DOCK10: variants seen among roughly 807,000 people sequenced by gnomAD.
DOCK10 encodes the protein dedicator of cytokinesis 10, also known as dedicator of cytokinesis protein 10.
DOCK10 carries 145 observed loss-of-function variants against 280.1 expected under a neutral mutation model. The observed-to-expected ratio is 0.52, with a 90% CI of 0.45 to 0.59. DOCK10 has a LOEUF of 0.59. Ranked by LOEUF, DOCK10 falls within the 20% of genes least tolerant of loss-of-function variation. DOCK10 has a pLI of 0.00. For missense variants in DOCK10, 2,368 were observed against 2,651.7 expected (o/e 0.89, Z 2.35); for synonymous variants, 915 against 942.2 (o/e 0.97, Z 0.53).
chr2:224,888,218 C>CGTGTGTGT (rs1157465599), intron 4 of DOCK10, among the ~76,000 whole-genome samples: 2 of 140,254 alleles, frequency 1.4e-5, no homozygotes, highest in Non-Finnish European at 3.1e-5. Flanking sequence ...TTAATATAGG[C>CGTGTGTGT]CTGTGTGTGT....
chr2:224,921,112 A>AAAAAAAAAAATAT, intron 2 of DOCK10, among the ~76,000 whole-genome samples: 10 of 54,414 alleles, frequency 1.8e-4, no homozygotes, highest in African/African-American at 9.4e-4. Flanking sequence ...AAAAAAAAAA[A>AAAAAAAAAAATAT]ATATATATAT....
intron 1 of DOCK10, among the ~76,000 whole-genome samples, chr2:224,985,425 T>A (rs1333919428): frequency 6.6e-6 from 1 of 151,648 alleles, no homozygotes; most frequent in African/African-American, 2.4e-5. Context: ...TCAGCACTTA[T>A]GAAATCTTAA....
At chr2:224,955,049 G>C (rs924667156) in intron 1 of DOCK10, among the ~76,000 whole-genome samples, 4 of 152,116 alleles carry the variant, frequency 2.6e-5, no homozygotes, top group African/African-American at 9.7e-5. Context: ...TGCTGGCTTG[G>C]AGCCTACTCC....
intron 1 of DOCK10, among the ~76,000 whole-genome samples, chr2:225,034,154 G>T (rs901252176): frequency 1.3e-5 from 2 of 152,132 alleles, no homozygotes; most frequent in Non-Finnish European, 2.9e-5. Context: ...CACTGCTTTC[G>T]CTGATGGATG....
At chr2:224,822,874 GTGCAGCTTCC>G (rs1428354569) in intron 28 of DOCK10, among the ~76,000 whole-genome samples, 1 of 151,980 alleles carries the variant, frequency 6.6e-6, no homozygotes, top group Non-Finnish European at 1.5e-5. Context: ...TATTACTGTA[GTGCAGCTTCC>G]TTTTTAAAAA....
At chr2:224,931,467 C>A (rs1028159514) in intron 2 of DOCK10, 82 bp downstream of exon 2, 2 of 1,465,592 alleles carry the variant, frequency 1.4e-6, no homozygotes, top group Admixed American at 2.3e-5. Flanking sequence ...GAGGCCTGGA[C>A]TCTCTGAATC....
At position 224,876,236 on chromosome 2, in the gene DOCK10, G is replaced by C. The variant is rs571912601; in HGVS notation, c.748-15C>G. The stretch of plus-strand genomic sequence containing the variant: ...AGTCTGTTATTCTGTGGTATAAAAA[G>C]AAAGAAAGAAAAAGAGAATACCAAA... On this transcript the variant is annotated splice_polypyrimidine_tract_variant and intron_variant, in intron 7 of 55. Transcript: ENST00000258390. 3 of 1,561,168 alleles carry C rather than the reference G, an allele frequency of 1.9e-6. No homozygotes were observed. Among genetic ancestry groups the C allele is most frequent in the East Asian group, 4.6e-5 (2 of 43,716 alleles).
intron 2 of DOCK10, among the ~76,000 whole-genome samples, chr2:224,927,354 C>T (rs1168831728): frequency 6.6e-6 from 1 of 152,116 alleles, no homozygotes; most frequent in Non-Finnish European, 1.5e-5. Context: ...AAGTTTTAAC[C>T]AGAGGCATGG....
intron 27 of DOCK10, among the ~76,000 whole-genome samples, chr2:224,826,595 T>G (rs1001934227): frequency 2.6e-5 from 4 of 152,066 alleles, no homozygotes; most frequent in Admixed American, 6.5e-5. Flanking sequence ...TGGTGTCAAA[T>G]GATAATATCA....
intron 1 of DOCK10, among the ~76,000 whole-genome samples, chr2:225,037,661 T>C (rs1003575505): frequency 6.6e-6 from 1 of 152,228 alleles, no homozygotes; most frequent in African/African-American, 2.4e-5. Flanking sequence ...GCTCTGAGAA[T>C]TAAATAGAAT....
At chr2:225,019,327 A>G (rs1458141388) in intron 1 of DOCK10, among the ~76,000 whole-genome samples, 1 of 152,064 alleles carries the variant, frequency 6.6e-6, no homozygotes, top group Non-Finnish European at 1.5e-5. Flanking sequence ...ACACTCCCCA[A>G]CTAAATACAT....
At chr2:224,927,033 A>G (rs1189258948) in intron 2 of DOCK10, among the ~76,000 whole-genome samples, 1 of 152,224 alleles carries the variant, frequency 6.6e-6, no homozygotes, top group Non-Finnish European at 1.5e-5. Flanking sequence ...TATCAAGAGA[A>G]GCAGGTGGGG....
chr2:225,007,909 T>A (rs1161341021), intron 1 of DOCK10, among the ~76,000 whole-genome samples: 2 of 152,124 alleles, frequency 1.3e-5, no homozygotes, highest in Non-Finnish European at 2.9e-5. Context: ...GTGAGCATGA[T>A]CAGGGATATG....
chr2:225,019,445 C>CTTTT (rs11399371), intron 1 of DOCK10, among the ~76,000 whole-genome samples: 23,210 of 139,374 alleles, frequency 0.17, 2,204 homozygotes, highest in Non-Finnish European at 0.21. Context: ...GTGGTTTAAT[C>CTTTT]TTTTTTTTTT....
At chr2:224,819,851 A>G (rs1214320989) in intron 28 of DOCK10, among the ~76,000 whole-genome samples, 1 of 152,180 alleles carries the variant, frequency 6.6e-6, no homozygotes, top group Non-Finnish European at 1.5e-5. Flanking sequence ...AAAAATATCA[A>G]TCAGAAAGTT....
At chr2:224,883,759 G>A (rs913221527) in intron 7 of DOCK10, among the ~76,000 whole-genome samples, 1 of 152,160 alleles carries the variant, frequency 6.6e-6, no homozygotes, top group African/African-American at 2.4e-5. Context: ...AGTAAGAGAT[G>A]ATGGAGAAGC....
intron 47 of DOCK10, 53 bp downstream of exon 47, chr2:224,792,921 G>T: frequency 7.6e-7 from 1 of 1,312,226 alleles, no homozygotes; most frequent in Non-Finnish European, 1.1e-6. Flanking sequence ...TAGAATTTGA[G>T]CAGCAAGTGG....
At chr2:224,822,694 A>C (rs1027479489) in intron 28 of DOCK10, among the ~76,000 whole-genome samples, 1 of 152,112 alleles carries the variant, frequency 6.6e-6, no homozygotes, top group Non-Finnish European at 1.5e-5. Flanking sequence ...GCTTGGGTTG[A>C]CAGAGTGAGA....
At chr2:224,878,023 G>C (rs1041753928) in intron 7 of DOCK10, among the ~76,000 whole-genome samples, 1 of 152,234 alleles carries the variant, frequency 6.6e-6, no homozygotes, top group African/African-American at 2.4e-5. Context: ...ACAAATAAGA[G>C]AAGAGCCATA....
Sources: gnomAD v4.1 joint callset for allele counts (sites outside exome capture counted in the v4.1 genomes callset) on GRCh38, gnomAD v4.1.1 for gene constraint, MANE v1.5 for transcripts, NCBI Gene and HGNC (gene_info 2026-07-23, HGNC 2026-07-21) for gene names.